Variants in KCNH5 observed in about 807,000 individuals in gnomAD.
KCNH5 encodes potassium voltage-gated channel subfamily H member 5.
KCNH5 carries 46 observed loss-of-function variants against 96.1 expected under a neutral mutation model. The observed-to-expected ratio is 0.48, with a 90% CI of 0.38 to 0.61. The LOEUF (loss-of-function observed/expected upper bound fraction) is 0.61, where lower values mean the gene tolerates loss of function less well. Among genes scored for constraint, KCNH5 ranks in the 20% least tolerant of loss-of-function variants. KCNH5 has a pLI of 0.00. For synonymous variants in KCNH5, 439 were observed against 449.8 expected, an observed-to-expected ratio of 0.98 and a Z score of 0.30; for missense variants, 907 against 1,225.8, an observed-to-expected ratio of 0.74 and a Z score of 3.88.
At chr14:62,781,544 G>A (rs373554412) in intron 9 of KCNH5, among the ~76,000 whole-genome samples, 1 of 152,168 alleles carries the variant, frequency 6.6e-6, no homozygotes, top group Admixed American at 6.5e-5. Flanking sequence ...ACGCCCGGCG[G>A]GGGGTGGGGG....
At chr14:62,887,728 C>T (rs1284105124) in intron 7 of KCNH5, among the ~76,000 whole-genome samples, 1 of 152,052 alleles carries the variant, frequency 6.6e-6, no homozygotes, top group Non-Finnish European at 1.5e-5. Flanking sequence ...CCTTGATGTG[C>T]CAGACTGTCT....
chr14:63,008,292 A>G (rs1891162914), intron 2 of KCNH5, among the ~76,000 whole-genome samples: 1 of 152,154 alleles, frequency 6.6e-6, no homozygotes, highest in Non-Finnish European at 1.5e-5. Context: ...GCCTCGAAAG[A>G]CATCCACTCA....
In KCNH5 at chr14:62,987,168, T is replaced by C. The variant is rs1178751165; in HGVS notation, c.453A>G (p.Arg151=). ...GGCTATTTGTCAAAGCCCGTGTCAA[T>C]CGGGCAAATTTCGTCCAACCTTAAA... ...DSTKGWTKFA[R]LTRALTNSRS... Residue 151 remains arginine, a synonymous_variant, in exon 5 of 11, where the codon CGA becomes CGG. Coordinates refer to ENST00000322893, the MANE Select transcript of KCNH5 (RefSeq NM_139318.5). The C allele has an allele frequency of 6.2e-7, 1 of 1,613,322 alleles. No individual in the cohort carries two copies. The highest frequency in any genetic ancestry group is 1.3e-5 in the African/African-American group (1 of 74,894).
intron 1 of KCNH5, 55 bp from the exon 2 acceptor site, chr14:63,017,009 TA>T: frequency 1.9e-6 from 3 of 1,539,276 alleles, no homozygotes; most frequent in Non-Finnish European, 2.6e-6. Flanking sequence ...ACAATGCACT[TA>T]TTTCAAGTAA....
In KCNH5 at chr14:62,863,977, A is replaced by G. The variant is rs528863889; in HGVS notation, c.1370-14125T>C. 2.6e-5 allele frequency among the ~76,000 whole-genome samples: 4 copies of G among 152,266 alleles called. No homozygotes were observed. In the East Asian group the frequency reaches 7.7e-4, roughly 29 times the overall value. Reference sequence around the variant, plus strand: ...ATGGCCTCCTTTCTATTTACATCCCAAAGTATGGTCTTATCATTCCATAGG... The same window carrying G: ...ATGGCCTCCTTTCTATTTACATCCCGAAGTATGGTCTTATCATTCCATAGG... On this transcript the variant is annotated intron_variant, in intron 7 of 10. Transcript: ENST00000322893.
chr14:62,937,642 A>G (rs17100546), intron 7 of KCNH5, among the ~76,000 whole-genome samples: 6,245 of 152,306 alleles, frequency 0.041, 420 homozygotes, highest in African/African-American at 0.14. Flanking sequence ...CAAATTGTAC[A>G]GGAATTGTTG....
At chr14:62,941,505 T>C (rs1345064757) in intron 7 of KCNH5, among the ~76,000 whole-genome samples, 2 of 152,118 alleles carry the variant, frequency 1.3e-5, no homozygotes, top group Non-Finnish European at 1.5e-5. Context: ...TGGGGCTCCA[T>C]AAAATGTTTT....
At chr14:62,822,188 T>C (rs1422317189) in intron 8 of KCNH5, among the ~76,000 whole-genome samples, 1 of 152,140 alleles carries the variant, frequency 6.6e-6, no homozygotes, top group Non-Finnish European at 1.5e-5. Context: ...AGTAAATATG[T>C]GAATTGTCCC....
chr14:63,027,642 T>C (rs1479897731), intron 1 of KCNH5, among the ~76,000 whole-genome samples: 3 of 151,902 alleles, frequency 2.0e-5, no homozygotes, highest in Non-Finnish European at 2.9e-5. Context: ...CAAAGTCTTA[T>C]TGTATACTAT....
chr14:63,045,321 G>T lies in KCNH5; in HGVS notation c.-135C>A. ...AAGAGGGGGCGCGGCGGCGGCGACG[G>T]GGTCCCCTGACTGTGTCTCCAGCCC... On this transcript the variant is annotated 5_prime_UTR_variant, in exon 1 of 11. Coordinates refer to ENST00000322893, the MANE Select transcript of KCNH5 (RefSeq NM_139318.5). 4.2e-6 allele frequency: 3 copies of T among 708,078 alleles called. No individual in the cohort carries two copies. Among genetic ancestry groups the T allele is most frequent in the Non-Finnish European group, 7.4e-6 (3 of 406,242 alleles). 43.9% of individuals were successfully genotyped at this position (708,078 alleles called of 1,614,324 possible). A position where few individuals can be genotyped will look rare whatever the true frequency, so the allele number is the denominator to read the frequency against.
chr14:62,980,274 A>G (rs986248007), intron 6 of KCNH5, among the ~76,000 whole-genome samples: 2 of 152,208 alleles, frequency 1.3e-5, no homozygotes, highest in African/African-American at 4.8e-5. Context: ...ATATCCACAA[A>G]TATATTCAGA....
At chr14:62,998,411 G>T (rs916367651) in intron 4 of KCNH5, among the ~76,000 whole-genome samples, 3 of 152,100 alleles carry the variant, frequency 2.0e-5, no homozygotes, top group African/African-American at 4.8e-5. Context: ...CCAGCTTTGG[G>T]TTTTTGTGAT....
intron 6 of KCNH5, among the ~76,000 whole-genome samples, chr14:62,963,154 C>G (rs1255497): frequency 0.25 from 37,316 of 151,996 alleles, 4,858 homozygotes; most frequent in Non-Finnish European, 0.29. Flanking sequence ...AGAGCAAACA[C>G]ATTCACATAA....
intron 7 of KCNH5, among the ~76,000 whole-genome samples, chr14:62,908,522 C>T (rs528256132): frequency 5.6e-4 from 85 of 152,186 alleles, no homozygotes; most frequent in African/African-American, 1.8e-3. Flanking sequence ...CTCAGTAAAC[C>T]TCAAATTCAG....
chr14:62,973,808 G>T (rs1890452953), intron 6 of KCNH5, among the ~76,000 whole-genome samples: 1 of 152,100 alleles, frequency 6.6e-6, no homozygotes, highest in African/African-American at 2.4e-5. Context: ...TTAATGAAAA[G>T]GTAATGGCAA....
At chr14:62,846,136 T>C (rs545480181) in intron 8 of KCNH5, among the ~76,000 whole-genome samples, 1 of 152,278 alleles carries the variant, frequency 6.6e-6, no homozygotes, top group South Asian at 2.1e-4. Context: ...CTATGTCTTT[T>C]TGTTTGTTTG....
At chr14:63,001,243 T>A (rs1891004843) in intron 4 of KCNH5, 88 bp downstream of exon 4, 1 of 1,240,852 alleles carries the variant, frequency 8.1e-7, no homozygotes. Flanking sequence ...GAATTTTGTT[T>A]TCCAGTTCAA....
intron 10 of KCNH5, among the ~76,000 whole-genome samples, chr14:62,770,916 C>T (rs1885971955): frequency 6.6e-6 from 1 of 152,122 alleles, no homozygotes; most frequent in South Asian, 2.1e-4. Flanking sequence ...AAGCCTTAAC[C>T]TCTAGTATGG....
intron 2 of KCNH5, among the ~76,000 whole-genome samples, chr14:63,016,106 TC>T (rs1279466772): frequency 6.6e-6 from 1 of 151,660 alleles, no homozygotes; most frequent in African/African-American, 2.4e-5. Context: ...ATAACTTGGT[TC>T]AGTGCTTAGT....
Sources: gnomAD v4.1 joint callset for allele counts (sites outside exome capture counted in the v4.1 genomes callset) on GRCh38, gnomAD v4.1.1 for gene constraint, MANE v1.5 for transcripts, NCBI Gene and HGNC (gene_info 2026-07-23, HGNC 2026-07-21) for gene names.